Variants in CSMD3 observed in about 807,000 individuals in gnomAD.
The protein encoded by CSMD3 is CUB and Sushi multiple domains 3, also known as CUB and sushi domain-containing protein 3.
In CSMD3, 177 loss-of-function variants were observed where a neutral mutation model predicts 435.2. The observed-to-expected ratio is 0.41, with a 90% CI of 0.36 to 0.46. The LOEUF (loss-of-function observed/expected upper bound fraction) is 0.46. Ranked by LOEUF, CSMD3 falls within the 20% of genes least tolerant of loss-of-function variation. The pLI is 0.34. For missense variants in CSMD3, 4,265 were observed against 4,504.6 expected, an observed-to-expected ratio of 0.95 and a Z score of 1.52; for synonymous variants, 1,656 against 1,520.5, an observed-to-expected ratio of 1.09 and a Z score of -2.07.
chr8:112,691,465 T>C (rs1247328905), intron 13 of CSMD3, among the ~76,000 whole-genome samples: 1 of 152,128 alleles, frequency 6.6e-6, no homozygotes, highest in Non-Finnish European at 1.5e-5. Context: ...ATTTTTTTTC[T>C]TCAAAGGTTA....
At chr8:113,021,893 T>A (rs2086696473) in intron 5 of CSMD3, among the ~76,000 whole-genome samples, 1 of 152,150 alleles carries the variant, frequency 6.6e-6, no homozygotes, top group Non-Finnish European at 1.5e-5. Context: ...CCTCAATGCT[T>A]CAGTGTATGA....
intron 58 of CSMD3, among the ~76,000 whole-genome samples, chr8:112,286,329 A>G (rs1049058451): frequency 6.6e-6 from 1 of 152,120 alleles, no homozygotes. Context: ...TCTAAAAATA[A>G]TATATGGAAA....
intron 31 of CSMD3, among the ~76,000 whole-genome samples, chr8:112,485,857 C>A (rs760677066): frequency 6.6e-6 from 1 of 151,762 alleles, no homozygotes; most frequent in South Asian, 2.1e-4. Flanking sequence ...GCCAGAAGAC[C>A]GCTGGATGTC....
intron 22 of CSMD3, among the ~76,000 whole-genome samples, chr8:112,633,249 G>A (rs1276318507): frequency 3.0e-4 from 45 of 151,950 alleles, no homozygotes; most frequent in Admixed American, 2.6e-3. Flanking sequence ...ACAAGCATAC[G>A]AAGTTCTCTG....
At chr8:113,285,856 C>A (rs2093643185) in intron 2 of CSMD3, among the ~76,000 whole-genome samples, 2 of 152,266 alleles carry the variant, frequency 1.3e-5, no homozygotes, top group South Asian at 2.1e-4. Context: ...AATGAATAAT[C>A]ATTTCATTTT....
chr8:113,268,386 AAAACATAT>A (rs1406293258), intron 3 of CSMD3, among the ~76,000 whole-genome samples: 1 of 151,898 alleles, frequency 6.6e-6, no homozygotes, highest in Non-Finnish European at 1.5e-5. Flanking sequence ...TTATAACATT[AAAACATAT>A]AAAACCTAAG....
At chr8:113,401,592 T>A (rs186615750) in intron 1 of CSMD3, among the ~76,000 whole-genome samples, 1 of 151,760 alleles carries the variant, frequency 6.6e-6, no homozygotes, top group Admixed American at 6.6e-5. Flanking sequence ...AAAATAAAAT[T>A]TCAATCTATG....
chr8:112,693,635 A>AT (rs1162365329), intron 13 of CSMD3, among the ~76,000 whole-genome samples: 22 of 151,650 alleles, frequency 1.5e-4, no homozygotes, highest in African/African-American at 5.3e-4. Flanking sequence ...TTTTAAATCT[A>AT]TTTTTTCTAC....
At chr8:112,648,053 T>C (rs189713127) in intron 19 of CSMD3, among the ~76,000 whole-genome samples, 4 of 152,216 alleles carry the variant, frequency 2.6e-5, no homozygotes, top group Non-Finnish European at 5.9e-5. Flanking sequence ...CAAAAGCTGA[T>C]GTATGTTAGA....
chr8:112,646,562 G>T (rs2131618152), intron 19 of CSMD3, among the ~76,000 whole-genome samples: 1 of 152,238 alleles, frequency 6.6e-6, no homozygotes, highest in South Asian at 2.1e-4. Flanking sequence ...TGTAGAAGGG[G>T]AAACTTAAAG....
chr8:112,547,650 G>C lies in CSMD3; in HGVS notation c.4564+3021C>G, dbSNP rs143409793. On this transcript the variant is annotated intron_variant, in intron 27 of 70. Coordinates refer to ENST00000297405, the MANE Select transcript of CSMD3 (RefSeq NM_198123.2). ...AAAAGAAATACAACTACTGGAAGGAGCATGAGCTAGAATAGTAAGAAAATA... is the reference window on the plus strand; with the variant it reads ...AAAAGAAATACAACTACTGGAAGGACCATGAGCTAGAATAGTAAGAAAATA... Among the ~76,000 whole-genome samples the C allele has an allele frequency of 2.0e-4, 30 of 152,270 alleles. No individual in the cohort carries two copies. In the East Asian group the frequency reaches 5.8e-3, roughly 29 times the overall value.
At position 112,976,277 on chromosome 8, in the gene CSMD3, A is replaced by G. The variant is rs1444139649; in HGVS notation, c.1031-129T>C. ...TAATCAACATGAAGAGGCAAAACACAAACACGCGAGTAAATTGTGAAGCGC... is the reference window on the plus strand; with the variant it reads ...TAATCAACATGAAGAGGCAAAACACGAACACGCGAGTAAATTGTGAAGCGC... On this transcript the variant is annotated intron_variant, in intron 6 of 70. Transcript: ENST00000297405. The G allele has an allele frequency of 3.8e-6, 4 of 1,055,660 alleles. No individual in the cohort carries two copies. In the African/African-American group the frequency reaches 6.4e-5, roughly 17 times the overall value. 65.4% of individuals were successfully genotyped at this position (1,055,660 alleles called of 1,614,324 possible). A position where few individuals can be genotyped will look rare whatever the true frequency, so the allele number is the denominator to read the frequency against.
At chr8:112,611,385 G>C (rs1034970179) in intron 22 of CSMD3, among the ~76,000 whole-genome samples, 3 of 151,932 alleles carry the variant, frequency 2.0e-5, no homozygotes, top group African/African-American at 7.3e-5. Context: ...AACCATCTTG[G>C]GTTTAACCAC....
At chr8:113,382,076 T>C (rs1011313518) in intron 1 of CSMD3, among the ~76,000 whole-genome samples, 1 of 152,126 alleles carries the variant, frequency 6.6e-6, no homozygotes, top group African/African-American at 2.4e-5. Context: ...GATATTACCA[T>C]AAAAAACATT....
intron 36 of CSMD3, among the ~76,000 whole-genome samples, chr8:112,386,756 C>T (rs1041417262): frequency 6.6e-6 from 1 of 152,142 alleles, no homozygotes; most frequent in Non-Finnish European, 1.5e-5. Flanking sequence ...CTCGGCCCCC[C>T]AAAGTGCTGG....
At chr8:112,665,154 A>G (rs1020075985) in intron 17 of CSMD3, among the ~76,000 whole-genome samples, 2 of 152,180 alleles carry the variant, frequency 1.3e-5, no homozygotes, top group African/African-American at 4.8e-5. Flanking sequence ...TCATATCTAT[A>G]TAAGTCAAAT....
At chr8:112,456,911 T>C (rs1458304180) in intron 32 of CSMD3, among the ~76,000 whole-genome samples, 2 of 152,188 alleles carry the variant, frequency 1.3e-5, no homozygotes, top group East Asian at 3.9e-4. Context: ...TAAAGATAAA[T>C]ACAAACATTA....
intron 32 of CSMD3, 151 bp downstream of exon 32, chr8:112,472,440 G>T: frequency 1.6e-6 from 1 of 633,944 alleles, no homozygotes. Context: ...CCTCAAAATT[G>T]TATTATTACA....
chr8:112,479,897 A>G (rs1404069142), intron 31 of CSMD3, among the ~76,000 whole-genome samples: 1 of 152,186 alleles, frequency 6.6e-6, no homozygotes, highest in East Asian at 1.9e-4. Context: ...CCAAGGCACT[A>G]CCTTATGGAG....
Sources: allele counts gnomAD v4.1 joint callset (sites outside exome capture counted in the v4.1 genomes callset), GRCh38; gene constraint gnomAD v4.1.1; transcripts MANE v1.5; gene names NCBI Gene and HGNC (gene_info 2026-07-23, HGNC 2026-07-21).